The following GRID1 variants were observed in gnomAD, a reference collection of about 807,000 sequenced individuals.
The protein encoded by GRID1 is glutamate ionotropic receptor delta type subunit 1.
A neutral mutation model predicts 98.0 loss-of-function variants in GRID1; 28 were observed. The ratio of observed to expected loss-of-function variants is 0.29; its 90% CI spans 0.21 to 0.39. The LOEUF is 0.39. Among genes scored for constraint, GRID1 ranks in the 10% least tolerant of loss-of-function variants. GRID1 has a pLI of 1.00. For synonymous variants in GRID1, 553 were observed against 538.5 expected, an observed-to-expected ratio of 1.03 and a Z score of -0.37; for missense variants, 1,111 against 1,340.5, an observed-to-expected ratio of 0.83 and a Z score of 2.67.
chr10:85,640,161 T>G (rs1414226513), intron 13 of GRID1, among the ~76,000 whole-genome samples: 1 of 152,142 alleles, frequency 6.6e-6, no homozygotes, highest in Non-Finnish European at 1.5e-5. Context: ...CTTGAATGGA[T>G]GAGTAAGTTC....
chr10:85,862,465 C>G (rs1843172275), intron 6 of GRID1, among the ~76,000 whole-genome samples: 1 of 152,136 alleles, frequency 6.6e-6, no homozygotes, highest in Non-Finnish European at 1.5e-5. Flanking sequence ...CCATCTCCCA[C>G]CAGAATCCCA....
In GRID1 at chr10:85,718,586, G is replaced by C. The variant is rs1311402990; in HGVS notation, c.1997+4417C>G. Among the ~76,000 whole-genome samples, 28 of 152,350 alleles carry C rather than the reference G, an allele frequency of 1.8e-4. 1 individual carries two copies. Among genetic ancestry groups the C allele is most frequent in the Admixed American group, 1.8e-3 (28 of 15,304 alleles). On this transcript the variant is annotated intron_variant, in intron 12 of 15. Coordinates refer to ENST00000327946, the MANE Select transcript of GRID1 (RefSeq NM_017551.3). ...CACCACGTGAAAGCTGCCAAGGCTT[G>C]GGGCTTCCACCCTCTGAAGCCACAG...
intron 4 of GRID1, among the ~76,000 whole-genome samples, chr10:86,112,325 G>C (rs1844501297): frequency 6.6e-6 from 1 of 152,192 alleles, no homozygotes; most frequent in African/African-American, 2.4e-5. Flanking sequence ...ACAGGGATAT[G>C]TATTCTCTTC....
At chr10:85,646,764 C>G (rs944051947) in intron 13 of GRID1, 5 of 212,206 alleles carry the variant, frequency 2.4e-5, no homozygotes, top group African/African-American at 1.1e-4. Context: ...ACCCTTACCC[C>G]CTTTCCCCGT....
chr10:85,778,152 C>T (rs957260441), intron 8 of GRID1, among the ~76,000 whole-genome samples: 1 of 152,124 alleles, frequency 6.6e-6, no homozygotes, highest in Non-Finnish European at 1.5e-5. Context: ...GGAGCACACA[C>T]AGGGAGCATT....
chr10:85,996,768 G>A (rs191621422), intron 4 of GRID1, among the ~76,000 whole-genome samples: 1 of 150,892 alleles, frequency 6.6e-6, no homozygotes, highest in African/African-American at 2.4e-5. Flanking sequence ...GGTAGAGGTT[G>A]CAGTGAGCTG....
rs754261369 is a variant in GRID1, at chr10:85,854,529, G to T, written c.1200C>A (p.Thr400=). 6.2e-7 allele frequency: 1 copy of T among 1,613,544 alleles called. No homozygotes were observed. The highest frequency in any genetic ancestry group is 8.5e-7 in the Non-Finnish European group (1 of 1,179,438). Residue 400 remains threonine (T), a synonymous_variant, in exon 8 of 16, where the codon ACC becomes ACA. Transcript: ENST00000327946. Reference sequence around the variant, plus strand: ...TGTCTTTGCCAAAAGTCTCACTATAGGTAGTGCCAAGGATTTCAAACTGGA... The same window carrying T: ...TGTCTTTGCCAAAAGTCTCACTATATGTAGTGCCAAGGATTTCAAACTGGA... ...PYVQFEILGT[T]YSETFGKDMR... is the part of the protein sequence containing the mutation.
intron 3 of GRID1, among the ~76,000 whole-genome samples, chr10:86,153,892 G>A (rs1045685460): frequency 4.6e-5 from 7 of 152,146 alleles, no homozygotes; most frequent in South Asian, 2.1e-4. Flanking sequence ...GGGTGGGGGC[G>A]GGGAGGCAGG....
intron 8 of GRID1, among the ~76,000 whole-genome samples, chr10:85,818,585 A>G (rs1842735865): frequency 6.6e-6 from 1 of 152,248 alleles, no homozygotes; most frequent in Admixed American, 6.5e-5. Flanking sequence ...CAAGGAAAAT[A>G]CAAGATGGGA....
intron 4 of GRID1, among the ~76,000 whole-genome samples, chr10:86,133,822 A>C (rs78481033): frequency 9.5e-4 from 145 of 152,368 alleles, no homozygotes; most frequent in African/African-American, 3.2e-3. Context: ...TCTGCAGGAC[A>C]TACAGAAACG....
At chr10:85,775,239 C>T (rs1239448181) in intron 8 of GRID1, among the ~76,000 whole-genome samples, 1 of 150,178 alleles carries the variant, frequency 6.7e-6, no homozygotes, top group African/African-American at 2.5e-5. Flanking sequence ...AAAAACCAAA[C>T]ACCACATATT....
intron 4 of GRID1, among the ~76,000 whole-genome samples, chr10:86,021,923 C>T (rs1426505706): frequency 3.3e-5 from 5 of 152,126 alleles, no homozygotes; most frequent in African/African-American, 7.2e-5. Flanking sequence ...GCCTGGGTCC[C>T]GGGCTGTCTA....
At chr10:86,199,504 T>C (rs893169259) in intron 3 of GRID1, among the ~76,000 whole-genome samples, 1 of 152,140 alleles carries the variant, frequency 6.6e-6, no homozygotes, top group Non-Finnish European at 1.5e-5. Context: ...GTGGACCCTT[T>C]GGGAACCAGA....
chr10:86,195,561 T>G lies in GRID1; in HGVS notation c.520+10803A>C, dbSNP rs1455967028. On this transcript the variant is annotated intron_variant, in intron 3 of 15. Transcript: ENST00000327946. The surrounding 1 kb of genome is among the most constrained non-coding windows in gnomAD (Gnocchi z 4.4). ...AGGCAGACAATGCAACCTGAAACAA[T>G]CAAACCAAAAATCAGAGGCAGCGTG... is the stretch of plus-strand genomic sequence containing the variant. Among the ~76,000 whole-genome samples, 1 of 152,068 alleles carries G rather than the reference T, an allele frequency of 6.6e-6. No homozygotes were observed. The highest frequency in any genetic ancestry group is 1.5e-5 in the Non-Finnish European group (1 of 67,970).
chr10:86,100,947 A>G (rs1844287448), intron 4 of GRID1, among the ~76,000 whole-genome samples: 1 of 152,186 alleles, frequency 6.6e-6, no homozygotes, highest in Non-Finnish European at 1.5e-5. Flanking sequence ...GCTGGATTCC[A>G]GTGAGACTTG....
chr10:86,076,708 G>C (rs1161247412), intron 4 of GRID1, among the ~76,000 whole-genome samples: 1 of 152,158 alleles, frequency 6.6e-6, no homozygotes, highest in African/African-American at 2.4e-5. Flanking sequence ...AACTGATTAG[G>C]TGAGGCCCAC....
chr10:86,240,872 C>T (rs1315918477), intron 2 of GRID1, among the ~76,000 whole-genome samples: 2 of 152,184 alleles, frequency 1.3e-5, no homozygotes, highest in Non-Finnish European at 2.9e-5. Context: ...AGACCAGCCT[C>T]GGGGAGCCAA....
intron 5 of GRID1, among the ~76,000 whole-genome samples, chr10:85,876,011 A>C (rs11817582): frequency 0.074 from 11,290 of 152,172 alleles, 480 homozygotes; most frequent in Middle Eastern, 0.14. Context: ...AAATGCCTTT[A>C]TTTTTATCTC....
chr10:85,861,443 A>C (rs1166286538), intron 6 of GRID1, among the ~76,000 whole-genome samples: 2 of 152,182 alleles, frequency 1.3e-5, no homozygotes, highest in Admixed American at 1.3e-4. Flanking sequence ...GAGGTGTTGC[A>C]GGGCTGCCCT....
Sources: allele counts gnomAD v4.1 joint callset (sites outside exome capture counted in the v4.1 genomes callset), GRCh38; gene constraint gnomAD v4.1.1; non-coding constraint Gnocchi (gnomAD v3.1); transcripts MANE v1.5; gene names NCBI Gene and HGNC (gene_info 2026-07-23, HGNC 2026-07-21).